Variants in RANBP2 observed in about 807,000 individuals in gnomAD.
The protein encoded by RANBP2 is E3 SUMO-protein ligase RanBP2.
A neutral mutation model predicts 303.6 loss-of-function variants in RANBP2; 57 were observed. The ratio of observed to expected loss-of-function variants is 0.19; its 90% confidence interval spans 0.15 to 0.23. The LOEUF (loss-of-function observed/expected upper bound fraction) is 0.23. Ranked by LOEUF, RANBP2 falls within the 10% of genes least tolerant of loss-of-function variation. The pLI is 1.00. For missense variants in RANBP2, 3,138 were observed against 3,780.8 expected, an observed-to-expected ratio of 0.83 and a Z score of 4.46; for synonymous variants, 1,167 against 1,301.5, an observed-to-expected ratio of 0.90 and a Z score of 2.23.
chr2:109,645,719 T>G, the RANBP2 span, among the ~76,000 whole-genome samples: 1 of 152,160 alleles, frequency 6.6e-6, no homozygotes, highest in African/African-American at 2.4e-5. Context: ...CTCAATTTCC[T>G]CATCAGTCAA....
chr2:109,192,458 T>G, the RANBP2 span, among the ~76,000 whole-genome samples: 1 of 152,238 alleles, frequency 6.6e-6, no homozygotes, highest in Non-Finnish European at 1.5e-5. Context: ...CTTTTATTAT[T>G]AGAAATTTAA....
chr2:109,664,928 C>T, the RANBP2 span, among the ~76,000 whole-genome samples: 1 of 148,884 alleles, frequency 6.7e-6, no homozygotes, highest in Non-Finnish European at 1.5e-5. Context: ...AAAATTCTGT[C>T]TAAAAAAAAA....
the RANBP2 span, among the ~76,000 whole-genome samples, chr2:108,843,961 G>GCTCACTGCAGC: frequency 6.8e-6 from 1 of 146,648 alleles, no homozygotes; most frequent in Non-Finnish European, 1.5e-5. Context: ...CACAATCACG[G>GCTCACTGCAGC]CTCACTGCAG....
intron 25 of RANBP2, among the ~76,000 whole-genome samples, chr2:108,778,355 T>C (rs1262710356): frequency 6.6e-6 from 1 of 152,248 alleles, no homozygotes; most frequent in African/African-American, 2.4e-5. Flanking sequence ...ATTTAGATTG[T>C]GCTTGTTAAA....
the RANBP2 span, among the ~76,000 whole-genome samples, chr2:109,113,996 T>C: frequency 6.6e-6 from 1 of 152,370 alleles, no homozygotes; most frequent in African/African-American, 2.4e-5. Context: ...CACTTGATCA[T>C]GGTGGATAAA....
chr2:108,914,515 A>G, the RANBP2 span, among the ~76,000 whole-genome samples: 7 of 152,144 alleles, frequency 4.6e-5, no homozygotes, highest in Admixed American at 4.6e-4. Context: ...TAGCGGGGAT[A>G]AAATGGAAGC....
At chr2:109,422,616 TG>T in the RANBP2 span, among the ~76,000 whole-genome samples, 125,020 of 152,092 alleles carry the variant, frequency 0.82, 51,909 homozygotes, top group Admixed American at 0.89. Flanking sequence ...TGTGTTGGGC[TG>T]GGGCTTGTCC....
At chr2:109,620,248 T>C in the RANBP2 span, among the ~76,000 whole-genome samples, 1 of 152,264 alleles carries the variant, frequency 6.6e-6, no homozygotes, top group Non-Finnish European at 1.5e-5. Flanking sequence ...GCTATGTGAA[T>C]AGTTTTTTTA....
At chr2:108,808,166 A>G in the RANBP2 span, among the ~76,000 whole-genome samples, 1 of 152,126 alleles carries the variant, frequency 6.6e-6, no homozygotes, top group Non-Finnish European at 1.5e-5. Flanking sequence ...GTTCTTTTTC[A>G]TAGCTGAACA....
the RANBP2 span, chr2:108,912,815 A>G: frequency 1.4e-6 from 2 of 1,454,076 alleles, no homozygotes; most frequent in African/African-American, 2.8e-5. Flanking sequence ...TCCACCTTCA[A>G]AGACGCTGCC....
chr2:109,267,733 C>T, the RANBP2 span, among the ~76,000 whole-genome samples: 1 of 152,180 alleles, frequency 6.6e-6, no homozygotes, highest in Non-Finnish European at 1.5e-5. Context: ...TTTCTCAGTG[C>T]ATGTCAGGGA....
the RANBP2 span, among the ~76,000 whole-genome samples, chr2:109,121,866 T>A: frequency 3.3e-5 from 5 of 152,200 alleles, no homozygotes; most frequent in Non-Finnish European, 1.5e-5. Context: ...CTCTAACTTA[T>A]GTGTCTAAAA....
At chr2:109,725,915 TAG>T in the RANBP2 span, among the ~76,000 whole-genome samples, 1 of 151,872 alleles carries the variant, frequency 6.6e-6, no homozygotes, top group African/African-American at 2.4e-5. Context: ...GTATTTTTAG[TAG>T]AGAGAGAGTT....
At chr2:109,760,288 GCAACTA>G in the RANBP2 span, 2 of 146,864 alleles carry the variant, frequency 1.4e-5, no homozygotes, top group African/African-American at 5.0e-5. Flanking sequence ...TAAAACCTCA[GCAACTA>G]CTTACATTCA....
chr2:108,725,302 G>A (rs996863592), intron 1 of RANBP2, among the ~76,000 whole-genome samples: 7 of 152,220 alleles, frequency 4.6e-5, no homozygotes, highest in African/African-American at 1.7e-4. Flanking sequence ...CCCTTGTAAA[G>A]TGAGCAGGTT....
the RANBP2 span, chr2:109,567,943 T>C: frequency 2.5e-6 from 4 of 1,613,282 alleles, no homozygotes; most frequent in Non-Finnish European, 1.7e-6. Flanking sequence ...TTAGAAACCG[T>C]ATCTGCTTTG....
chr2:109,341,779 G>A, the RANBP2 span, among the ~76,000 whole-genome samples: 1 of 152,180 alleles, frequency 6.6e-6, no homozygotes, highest in African/African-American at 2.4e-5. Context: ...CATAAAACAT[G>A]CTCCAGAATG....
At chr2:109,497,618 A>G in the RANBP2 span, among the ~76,000 whole-genome samples, 1 of 152,210 alleles carries the variant, frequency 6.6e-6, no homozygotes, top group African/African-American at 2.4e-5. Context: ...GGACACGACA[A>G]CGGCGCTCTG....
At chr2:109,670,458 C>T in the RANBP2 span, among the ~76,000 whole-genome samples, 1 of 151,586 alleles carries the variant, frequency 6.6e-6, no homozygotes, top group Non-Finnish European at 1.5e-5. Flanking sequence ...TTGGGCACAA[C>T]TGCCCGAGGC....
Sources: allele counts gnomAD v4.1 joint callset (sites outside exome capture counted in the v4.1 genomes callset), GRCh38; gene constraint gnomAD v4.1.1; transcripts MANE v1.5; gene names NCBI Gene and HGNC (gene_info 2026-07-23, HGNC 2026-07-21).